Variants in TP63 observed in about 807,000 individuals in gnomAD.
TP63 encodes tumor protein p63.
Under a neutral mutation model 82.8 loss-of-function variants are expected in TP63, and 17 were observed. The observed-to-expected ratio is 0.21, with a 90% CI of 0.14 to 0.31. TP63 has a LOEUF of 0.31. Ranked by LOEUF, TP63 falls within the 10% of genes least tolerant of loss-of-function variation. The pLI is 1.00. For synonymous variants in TP63, 330 were observed against 321.7 expected (o/e 1.03, Z -0.28); for missense variants, 648 against 895.3 (o/e 0.72, Z 3.52).
At chr3:189,596,867 T>G in the TP63 span, among the ~76,000 whole-genome samples, 1 of 152,032 alleles carries the variant, frequency 6.6e-6, no homozygotes, top group Non-Finnish European at 1.5e-5. Flanking sequence ...ACACTCACCG[T>G]GAAGGTCTGC....
At chr3:189,786,481 A>G (rs933884708) in intron 3 of TP63, among the ~76,000 whole-genome samples, 10 of 148,212 alleles carry the variant, frequency 6.7e-5, no homozygotes, top group Admixed American at 5.4e-4. Flanking sequence ...ACACACACAC[A>G]CGCATGCACA....
intron 1 of TP63, among the ~76,000 whole-genome samples, chr3:189,690,824 C>T (rs1347042401): frequency 6.6e-6 from 1 of 152,076 alleles, no homozygotes; most frequent in Non-Finnish European, 1.5e-5. Flanking sequence ...TCTTTGTGAC[C>T]TTTGCCTTTT....
At chr3:189,703,453 T>TAGATAGATAGAC (rs1717970103) in intron 1 of TP63, among the ~76,000 whole-genome samples, 1 of 151,896 alleles carries the variant, frequency 6.6e-6, no homozygotes, top group Non-Finnish European at 1.5e-5. Flanking sequence ...GATAGATAGA[T>TAGATAGATAGAC]AGATAGATAG....
At chr3:189,888,726 G>T (rs562580052) in intron 11 of TP63, among the ~76,000 whole-genome samples, 1 of 152,266 alleles carries the variant, frequency 6.6e-6, no homozygotes, top group South Asian at 2.1e-4. Context: ...GTAAGTATTG[G>T]TGGTGTTCCT....
intron 3 of TP63, among the ~76,000 whole-genome samples, chr3:189,788,523 G>A (rs1724800549): frequency 2.6e-5 from 4 of 151,872 alleles, no homozygotes; most frequent in Admixed American, 1.3e-4. Context: ...TTCACTTATA[G>A]TTATCTTGGC....
rs562698716 is a variant in TP63, at chr3:189,815,982, G to A, written c.579+7456G>A. Among the ~76,000 whole-genome samples, 45 of 152,154 alleles carry A rather than the reference G, an allele frequency of 3.0e-4. No homozygotes were observed. The South Asian group carries it at 8.3e-3, about 28-fold the overall frequency. ...CATTTTATATTTTAAAAATCTAATG[G>A]CATGCAGGATTGGATACTTGGAAGT... On this transcript the variant is annotated intron_variant, in intron 4 of 13. Transcript: ENST00000264731.
At chr3:189,671,011 CA>C (rs1714841713) in intron 1 of TP63, among the ~76,000 whole-genome samples, 1 of 151,820 alleles carries the variant, frequency 6.6e-6, no homozygotes. Context: ...GCACAGGCAA[CA>C]AAAACAAAAA....
Position 189,846,959 on chromosome 3 carries a change from G to A in TP63, c.580-17273G>A, listed in dbSNP as rs148804152. Among the ~76,000 whole-genome samples the A allele has an allele frequency of 6.7e-3, 1,016 of 152,094 alleles. 14 individuals are homozygous for A. Among genetic ancestry groups the A allele is most frequent in the African/African-American group, 0.023 (973 of 41,488 alleles). On this transcript the variant is annotated intron_variant, in intron 4 of 13. Transcript: ENST00000264731. ...GCCTCCCAAAATGCTGGGATTACAG[G>A]CATGAGCCACCACGCTTGGCCTTCC...
At chr3:189,806,864 C>G (rs62279945) in intron 3 of TP63, among the ~76,000 whole-genome samples, 194 of 152,116 alleles carry the variant, frequency 1.3e-3, no homozygotes, top group Non-Finnish European at 2.1e-3. Flanking sequence ...GCAAAGCCCA[C>G]TTCTCCTCCC....
At chr3:189,677,456 A>C (rs952633981) in intron 1 of TP63, among the ~76,000 whole-genome samples, 2 of 149,488 alleles carry the variant, frequency 1.3e-5, no homozygotes, top group African/African-American at 4.9e-5. Context: ...ACACATATAT[A>C]TACACATATA....
chr3:189,706,338 C>T (rs963359472), intron 1 of TP63, among the ~76,000 whole-genome samples: 6 of 152,106 alleles, frequency 3.9e-5, no homozygotes, highest in African/African-American at 1.4e-4. Flanking sequence ...CTCACTGCAA[C>T]CTCCGCCTCC....
At chr3:189,833,503 TG>T (rs1254261141) in intron 4 of TP63, among the ~76,000 whole-genome samples, 1 of 152,208 alleles carries the variant, frequency 6.6e-6, no homozygotes, top group Non-Finnish European at 1.5e-5. Flanking sequence ...GGGACTTATA[TG>T]TATTTTCATG....
chr3:189,603,130 A>G, the TP63 span, among the ~76,000 whole-genome samples: 1 of 152,204 alleles, frequency 6.6e-6, no homozygotes, highest in Non-Finnish European at 1.5e-5. Flanking sequence ...GTTGAAAACC[A>G]GTTATATAGT....
At chr3:189,852,499 C>T (rs1383986027) in intron 4 of TP63, among the ~76,000 whole-genome samples, 1 of 152,154 alleles carries the variant, frequency 6.6e-6, no homozygotes, top group Admixed American at 6.5e-5. Flanking sequence ...TTGGTACTTC[C>T]ATGTATGTAT....
At chr3:189,803,584 C>T (rs7638725) in intron 3 of TP63, among the ~76,000 whole-genome samples, 41,496 of 151,818 alleles carry the variant, frequency 0.27, 5,876 homozygotes, top group African/African-American at 0.33. Context: ...ACCTACCATG[C>T]AAGCTGTATG....
chr3:189,864,541 CTTTTTTTTTTT>C lies in TP63; in HGVS notation c.766+137_766+147del, dbSNP rs10714778. The C allele has an allele frequency of 3.9e-4, 84 of 215,480 alleles. No individual in the cohort carries two copies. In the East Asian group the frequency reaches 5.6e-3, roughly 14 times the overall value. 13.3% of individuals were successfully genotyped at this position (215,480 alleles called of 1,614,324 possible). ...GCACTCCGATGGCAGATCAGTCTGC[CTTTTTTTTTTT>C]TTTTTTTTTTTTTGGCTGACAGTAT... On this transcript the variant is annotated intron_variant, in intron 5 of 13. Transcript: ENST00000264731.
At chr3:189,843,754 C>T (rs887740002) in intron 4 of TP63, among the ~76,000 whole-genome samples, 12 of 152,092 alleles carry the variant, frequency 7.9e-5, no homozygotes, top group African/African-American at 4.8e-5. Flanking sequence ...AAATCCGGGG[C>T]CAAAGTTGGA....
At chr3:189,650,032 A>T (rs1434300358) in intron 1 of TP63, among the ~76,000 whole-genome samples, 1 of 147,134 alleles carries the variant, frequency 6.8e-6, no homozygotes, top group Non-Finnish European at 1.5e-5. Context: ...CTATGTACTA[A>T]GGTGGGGAAG....
At chr3:189,631,000 A>C (rs548732784), upstream of TP63, among the ~76,000 whole-genome samples, 1 of 152,294 alleles carries the variant, frequency 6.6e-6, no homozygotes, top group South Asian at 2.1e-4. Context: ...AGAAATAGTC[A>C]CAGAAATCCT....
Sources: gnomAD v4.1 joint callset for allele counts (sites outside exome capture counted in the v4.1 genomes callset) on GRCh38, gnomAD v4.1.1 for gene constraint, MANE v1.5 for transcripts, NCBI Gene and HGNC (gene_info 2026-07-23, HGNC 2026-07-21) for gene names.